APP: variants seen among roughly 807,000 people sequenced by gnomAD.
The protein encoded by APP is amyloid-beta precursor protein.
Under a neutral mutation model 101.4 loss-of-function variants are expected in APP, and 31 were observed. The observed-to-expected ratio is 0.31, with a 90% CI of 0.23 to 0.41. The LOEUF is 0.41. APP is among the 10% of genes least tolerant of loss of function. The probability of loss-of-function intolerance (pLI) is 1.00; values close to 1 mark genes in which losing one functional copy is unlikely to be tolerated. For missense variants in APP, 839 were observed against 1,003.7 expected, an observed-to-expected ratio of 0.84 and a Z score of 2.22; for synonymous variants, 366 against 364.4, an observed-to-expected ratio of 1.00 and a Z score of -0.05.
At chr21:25,991,004 TAA>T (rs2042838917) in intron 8 of APP, among the ~76,000 whole-genome samples, 1 of 152,156 alleles carries the variant, frequency 6.6e-6, no homozygotes, top group Non-Finnish European at 1.5e-5. Flanking sequence ...AACCACAAAA[TAA>T]AAGTCTTTTG....
intron 5 of APP, among the ~76,000 whole-genome samples, chr21:26,044,410 A>G (rs950488456): frequency 2.0e-5 from 3 of 152,254 alleles, no homozygotes; most frequent in Non-Finnish European, 4.4e-5. Flanking sequence ...GCATTTTACC[A>G]ATTAGATAAA....
chr21:26,021,816 G>A, intron 6 of APP, 24 bp downstream of exon 6: 1 of 1,610,368 alleles, frequency 6.2e-7, no homozygotes. Context: ...GGGGTGGGGG[G>A]AATCCAAGCA....
intron 1 of APP, among the ~76,000 whole-genome samples, chr21:26,139,973 G>T (rs775573979): frequency 6.6e-6 from 1 of 152,202 alleles, no homozygotes; most frequent in East Asian, 1.9e-4. Context: ...CACTGGTAGA[G>T]AACTGCACTG....
At chr21:26,170,849 A>T (rs1469440825), upstream of APP, 2 of 459,420 alleles carry the variant, frequency 4.4e-6, no homozygotes, top group Admixed American at 4.5e-5. Flanking sequence ...CCCGAGAGAG[A>T]CCCCTAGCGG....
chr21:26,131,895 T>C (rs566589618), intron 1 of APP, among the ~76,000 whole-genome samples: 1 of 150,158 alleles, frequency 6.7e-6, no homozygotes, highest in African/African-American at 2.5e-5. Context: ...ATCGTGATAG[T>C]TGAATTAAGA....
chr21:26,023,547 A>ACAAAAAC (rs2044441077), intron 5 of APP, among the ~76,000 whole-genome samples: 2 of 150,648 alleles, frequency 1.3e-5, no homozygotes, highest in Non-Finnish European at 2.9e-5. Context: ...TTAAAAACAA[A>ACAAAAAC]CAAAAACCAG....
At chr21:26,118,884 GA>G (rs5843211) in intron 1 of APP, among the ~76,000 whole-genome samples, 58,533 of 149,182 alleles carry the variant, frequency 0.39, 13,811 homozygotes, top group Non-Finnish European at 0.53. Context: ...TCACCAAAGG[GA>G]AAAAAAAATG....
At chr21:26,086,273 G>A (rs1019349411) in intron 3 of APP, among the ~76,000 whole-genome samples, 7 of 152,204 alleles carry the variant, frequency 4.6e-5, no homozygotes, top group African/African-American at 1.7e-4. Flanking sequence ...AGCAAAGGGT[G>A]AGATGAGAAA....
chr21:26,029,330 A>C (rs2044717716), intron 5 of APP, among the ~76,000 whole-genome samples: 1 of 148,738 alleles, frequency 6.7e-6, no homozygotes, highest in South Asian at 2.1e-4. Context: ...CTAGGGGTAC[A>C]CTGGAAAGCA....
chr21:25,982,897 T>A (rs2146603477), intron 8 of APP, among the ~76,000 whole-genome samples: 1 of 152,272 alleles, frequency 6.6e-6, no homozygotes, highest in South Asian at 2.1e-4. Flanking sequence ...ACCACAGATA[T>A]CTGTAATTAG....
At chr21:26,132,106 C>T (rs2062809353) in intron 1 of APP, among the ~76,000 whole-genome samples, 1 of 152,040 alleles carries the variant, frequency 6.6e-6, no homozygotes, top group African/African-American at 2.4e-5. Context: ...GATAAAAGTA[C>T]TTTGGCATGG....
chr21:26,167,520 T>C (rs1431451067), intron 1 of APP, among the ~76,000 whole-genome samples: 1 of 152,212 alleles, frequency 6.6e-6, no homozygotes, highest in Non-Finnish European at 1.5e-5. Flanking sequence ...GTAATAGCTA[T>C]GCTTATTTCC....
intron 1 of APP, among the ~76,000 whole-genome samples, chr21:26,135,546 A>G (rs536011971): frequency 6.6e-6 from 1 of 152,322 alleles, no homozygotes; most frequent in South Asian, 2.1e-4. Flanking sequence ...TCATTTCCTT[A>G]GTCGTACATT....
At chr21:25,896,092 A>C (rs1049971174) in intron 16 of APP, among the ~76,000 whole-genome samples, 5 of 152,116 alleles carry the variant, frequency 3.3e-5, no homozygotes, top group African/African-American at 1.2e-4. Context: ...CCAACTCTTC[A>C]ACTCTTTAGT....
At chr21:26,010,803 AGAGT>A (rs1331577624) in intron 6 of APP, among the ~76,000 whole-genome samples, 4 of 131,178 alleles carry the variant, frequency 3.0e-5, no homozygotes, top group African/African-American at 1.1e-4. Context: ...CCTGGGTGAC[AGAGT>A]GAGACTTCGT....
rs369958042 is a variant in APP at position 26,086,639 on chromosome 21, G to C, written c.355+3304C>G. 1.5e-3 allele frequency among the ~76,000 whole-genome samples: 232 copies of C among 151,782 alleles called. 10 individuals carry two copies. The South Asian group carries it at 0.046, about 30-fold the overall frequency. On this transcript the variant is annotated intron_variant, in intron 3 of 17. Coordinates refer to ENST00000346798, the MANE Select transcript of APP (RefSeq NM_000484.4). ...TTTAGAGCATACTTATGTTAATGCT[G>C]AACAGTAATTCTTTGTTAAGCAGGA... is the stretch of plus-strand genomic sequence containing the variant.
chr21:25,953,341 C>T (rs752791754), intron 13 of APP, among the ~76,000 whole-genome samples: 1 of 152,160 alleles, frequency 6.6e-6, no homozygotes, highest in South Asian at 2.1e-4. Context: ...CACAGCAATA[C>T]AAACAATATT....
chr21:26,075,083 C>T (rs999705430), intron 3 of APP, among the ~76,000 whole-genome samples: 4 of 152,176 alleles, frequency 2.6e-5, no homozygotes, highest in African/African-American at 9.6e-5. Context: ...TGTGAAATTG[C>T]TGCTCCACAT....
intron 1 of APP, among the ~76,000 whole-genome samples, chr21:26,120,670 T>C (rs1400951894): frequency 1.3e-5 from 2 of 152,182 alleles, no homozygotes; most frequent in African/African-American, 2.4e-5. Context: ...CTACATTTTT[T>C]AGACCTCTGC....
Sources: allele counts gnomAD v4.1 joint callset (sites outside exome capture counted in the v4.1 genomes callset), GRCh38; gene constraint gnomAD v4.1.1; transcripts MANE v1.5; gene names NCBI Gene and HGNC (gene_info 2026-07-23, HGNC 2026-07-21).